The following PCDHA4 variants were observed in gnomAD, a reference collection of about 807,000 sequenced individuals.
PCDHA4 encodes protocadherin alpha 4.
PCDHA4 carries 49 observed loss-of-function variants against 61.4 expected under a neutral mutation model. That is an observed-to-expected ratio of 0.80 (90% confidence interval 0.63 to 1.01). The LOEUF is 1.01. Ranked by LOEUF, PCDHA4 falls within the 50% of genes least tolerant of loss-of-function variation. The pLI is 0.00. For missense variants in PCDHA4, 1,254 were observed against 1,235.8 expected, an observed-to-expected ratio of 1.01 and a Z score of -0.22; for synonymous variants, 590 against 550.3, an observed-to-expected ratio of 1.07 and a Z score of -1.01.
chr5:141,008,530 A>G (rs1176119695), intron 3 of PCDHA4, among the ~76,000 whole-genome samples: 2 of 152,128 alleles, frequency 1.3e-5, no homozygotes, highest in African/African-American at 4.8e-5. Context: ...ACTCTTGGGA[A>G]TGTCTTTTAT....
At chr5:140,884,396 C>G in intron 1 of PCDHA4, 1 of 1,614,012 alleles carries the variant, frequency 6.2e-7, no homozygotes, top group Non-Finnish European at 8.5e-7. Flanking sequence ...GGTGTCCAGC[C>G]TGTTGGTGCT....
At chr5:140,857,699 C>T (rs1554150537) in intron 1 of PCDHA4, 1 of 1,597,158 alleles carries the variant, frequency 6.3e-7, no homozygotes, top group East Asian at 2.2e-5. Flanking sequence ...CTTGACGCTG[C>T]AGGTGTTCGT....
chr5:140,821,488 A>G, intron 1 of PCDHA4: 1 of 297,184 alleles, frequency 3.4e-6, no homozygotes, highest in Non-Finnish European at 6.2e-6. Context: ...AATACTTGAG[A>G]AATATTGACG....
chr5:140,970,872 T>C (rs2096439604), intron 1 of PCDHA4, among the ~76,000 whole-genome samples: 3 of 152,158 alleles, frequency 2.0e-5, no homozygotes, highest in African/African-American at 7.2e-5. Flanking sequence ...TGATTGAGAG[T>C]AGATTTTTCT....
chr5:140,865,125 A>T (rs1581734540), intron 1 of PCDHA4: 1 of 152,310 alleles, frequency 6.6e-6, no homozygotes, highest in East Asian at 1.9e-4. Flanking sequence ...GGTGTTAATT[A>T]TACCTTAGAA....
chr5:141,003,453 A>T (rs2098125483), intron 3 of PCDHA4, among the ~76,000 whole-genome samples: 1 of 152,126 alleles, frequency 6.6e-6, no homozygotes, highest in East Asian at 1.9e-4. Flanking sequence ...ATGAAATTAC[A>T]GGCGTGCACC....
At position 140,982,360 on chromosome 5, in the gene PCDHA4, A is replaced by G. The variant is rs1016027722; in HGVS notation, c.2445-115A>G. 59 of 1,527,040 alleles carry G rather than the reference A, an allele frequency of 3.9e-5. No individual in the cohort carries two copies. In the Admixed American group the frequency reaches 8.5e-4, roughly 22 times the overall value. 94.6% of individuals were successfully genotyped at this position (1,527,040 alleles called of 1,614,324 possible). ...TAATTGCTTCAGTTCAAGCATGAGC[A>G]GAATGTGTTAGCTGCAGCCCTGGCT... On this transcript the variant is annotated intron_variant, in intron 2 of 3. Coordinates refer to ENST00000530339, the MANE Select transcript of PCDHA4 (RefSeq NM_018907.4).
intron 1 of PCDHA4, among the ~76,000 whole-genome samples, chr5:140,888,764 T>G (rs74654123): frequency 6.6e-6 from 1 of 152,068 alleles, no homozygotes; most frequent in Non-Finnish European, 1.5e-5. Flanking sequence ...CTTTTTTTTT[T>G]AATTTTGAAG....
chr5:140,922,726 C>T lies in PCDHA4; in HGVS notation c.2386-56223C>T, dbSNP rs118091551. On this transcript the variant is annotated intron_variant, in intron 1 of 3. Coordinates refer to ENST00000530339, the MANE Select transcript of PCDHA4 (RefSeq NM_018907.4). ...GTCAAGAACAAAAAGAAACACTTGA[C>T]AAGGTTGAGAAAAATAAATGGAAAA... is the stretch of plus-strand genomic sequence containing the variant. 6.6e-5 allele frequency among the ~76,000 whole-genome samples: 10 copies of T among 152,012 alleles called. No homozygotes were observed. The East Asian group carries it at 1.9e-3, about 29-fold the overall frequency.
intron 1 of PCDHA4, among the ~76,000 whole-genome samples, chr5:140,943,705 C>T (rs528361276): frequency 1.6e-4 from 25 of 152,150 alleles, no homozygotes; most frequent in Middle Eastern, 3.4e-3. Context: ...TATTGTGGAA[C>T]ACATTTAAAG....
At chr5:140,881,074 A>G (rs1416572917) in intron 1 of PCDHA4, among the ~76,000 whole-genome samples, 1 of 152,200 alleles carries the variant, frequency 6.6e-6, no homozygotes, top group African/African-American at 2.4e-5. Context: ...TAATTATTGG[A>G]GCTATGATAT....
Position 141,011,440 on chromosome 5 carries a change from T to G in PCDHA4, c.*1503T>G, listed in dbSNP as rs2098420601. 1 of 153,808 alleles carries G rather than the reference T, an allele frequency of 6.5e-6. No individual in the cohort carries two copies. Among genetic ancestry groups the G allele is most frequent in the Admixed American group, 6.5e-5 (1 of 15,282 alleles). 9.5% of individuals were successfully genotyped at this position (153,808 alleles called of 1,614,324 possible). A position where few individuals can be genotyped will look rare whatever the true frequency, so the allele number is the denominator to read the frequency against. Reference sequence around the variant, plus strand: ...ATGTTAATGCAACTATTACCTAGAGTGAACTTTAAGCTTTATTGTTGAATG... The same window carrying G: ...ATGTTAATGCAACTATTACCTAGAGGGAACTTTAAGCTTTATTGTTGAATG... On this transcript the variant is annotated 3_prime_UTR_variant, in exon 4 of 4. Transcript: ENST00000530339.
intron 1 of PCDHA4, among the ~76,000 whole-genome samples, chr5:140,913,707 A>T (rs1355291016): frequency 6.6e-6 from 1 of 152,120 alleles, no homozygotes; most frequent in Non-Finnish European, 1.5e-5. Flanking sequence ...CAATGTAGGC[A>T]ATTACAGCTA....
chr5:141,009,562 C>G lies in PCDHA4; in HGVS notation c.2534-65C>G, dbSNP rs1469033090. On this transcript the variant is annotated intron_variant, in intron 3 of 3. Transcript: ENST00000530339. ...GCCTATGCAGTACTCCTGTACTCTA[C>G]CAGCAGTGTGGCATCAAGAGCATGT... The G allele has an allele frequency of 2.5e-6, 4 of 1,571,226 alleles. No individual in the cohort carries two copies. In the African/African-American group the frequency reaches 5.4e-5, roughly 21 times the overall value.
rs1554206132 is a variant in PCDHA4, at chr5:140,928,678, C to A, written c.2386-50271C>A. 3.1e-6 allele frequency: 5 copies of A among 1,614,192 alleles called. No individual in the cohort carries two copies. The East Asian group carries it at 1.1e-4, about 36-fold the overall frequency. ...TGCTGACAGTGGTTCTAATGCCTGGCTTTCCTACCACATCTCCCGGGCGTC... is the reference window on the plus strand; with the variant it reads ...TGCTGACAGTGGTTCTAATGCCTGGATTTCCTACCACATCTCCCGGGCGTC... On this transcript the variant is annotated intron_variant, in intron 1 of 3. Coordinates refer to ENST00000530339, the MANE Select transcript of PCDHA4 (RefSeq NM_018907.4).
chr5:140,853,640 A>G, intron 1 of PCDHA4: 1 of 988,756 alleles, frequency 1.0e-6, no homozygotes, highest in Non-Finnish European at 1.2e-6. Context: ...CACAGACCTA[A>G]ATTGAGCCTG....
intron 1 of PCDHA4, among the ~76,000 whole-genome samples, chr5:140,953,053 T>G (rs1475683860): frequency 2.0e-5 from 3 of 152,142 alleles, no homozygotes; most frequent in African/African-American, 7.2e-5. Flanking sequence ...TCCAATCACC[T>G]CTCACAGGCC....
chr5:140,926,917 TTA>T, intron 1 of PCDHA4: 3 of 1,565,668 alleles, frequency 1.9e-6, no homozygotes, highest in South Asian at 1.2e-5. Context: ...GGTGGCAGTT[TTA>T]TGTTTGTGGG....
intron 1 of PCDHA4, chr5:140,841,802 G>A: frequency 6.2e-7 from 1 of 1,613,944 alleles, no homozygotes; most frequent in Non-Finnish European, 8.5e-7. Context: ...GTCCGATGCA[G>A]ATGTTGGAGC....
Sources: allele counts gnomAD v4.1 joint callset (sites outside exome capture counted in the v4.1 genomes callset), GRCh38; gene constraint gnomAD v4.1.1; transcripts MANE v1.5; gene names NCBI Gene and HGNC (gene_info 2026-07-23, HGNC 2026-07-21).